Variants in NAALADL2 observed in about 807,000 individuals in gnomAD.
NAALADL2 encodes the protein N-acetylated alpha-linked acidic dipeptidase like 2.
A neutral mutation model predicts 87.2 loss-of-function variants in NAALADL2; 76 were observed. That is an observed-to-expected ratio of 0.87 (90% CI 0.72 to 1.05). The LOEUF is 1.05. Ranked by LOEUF, NAALADL2 falls within the 50% of genes least tolerant of loss-of-function variation. NAALADL2 has a pLI of 0.00. For synonymous variants in NAALADL2, 354 were observed against 331.0 expected, an observed-to-expected ratio of 1.07 and a Z score of -0.75; for missense variants, 1,089 against 945.8, an observed-to-expected ratio of 1.15 and a Z score of -1.99.
intron 3 of NAALADL2, among the ~76,000 whole-genome samples, chr3:174,801,554 C>A (rs1265062992): frequency 6.6e-6 from 1 of 152,084 alleles, no homozygotes; most frequent in East Asian, 1.9e-4. Context: ...TGCTCTTGAT[C>A]TTGGAGAAAA....
intron 9 of NAALADL2, among the ~76,000 whole-genome samples, chr3:175,511,031 C>G (rs1731079947): frequency 6.6e-6 from 1 of 152,160 alleles, no homozygotes; most frequent in Non-Finnish European, 1.5e-5. Flanking sequence ...ATATCTCTCT[C>G]AACAATTAAT....
intron 5 of NAALADL2, among the ~76,000 whole-genome samples, chr3:175,340,758 AG>A (rs1385040496): frequency 1.3e-5 from 2 of 152,324 alleles, no homozygotes; most frequent in East Asian, 3.9e-4. Context: ...CTGCTCCTTA[AG>A]AATGACTTCC....
At chr3:174,887,947 C>T (rs1441709285) in intron 1 of NAALADL2, among the ~76,000 whole-genome samples, 3 of 151,666 alleles carry the variant, frequency 2.0e-5, no homozygotes, top group Admixed American at 2.0e-4. Flanking sequence ...GAGATTATAT[C>T]AGCTGATGAT....
At chr3:175,390,475 T>A (rs1479952394) in intron 5 of NAALADL2, among the ~76,000 whole-genome samples, 1 of 152,086 alleles carries the variant, frequency 6.6e-6, no homozygotes, top group Non-Finnish European at 1.5e-5. Context: ...CACAAAGAAA[T>A]GAAAACACTA....
At chr3:175,551,055 G>C (rs1276739788) in intron 9 of NAALADL2, among the ~76,000 whole-genome samples, 1 of 151,958 alleles carries the variant, frequency 6.6e-6, no homozygotes. Flanking sequence ...AGTTTGTATA[G>C]TGTGAGAGAG....
intron 1 of NAALADL2, among the ~76,000 whole-genome samples, chr3:174,457,194 A>G (rs1206471136): frequency 6.6e-6 from 1 of 152,132 alleles, no homozygotes; most frequent in Non-Finnish European, 1.5e-5. Context: ...ACTAAAAAGT[A>G]AAAAAATAAC....
At chr3:174,931,202 G>C (rs1285067918) in intron 1 of NAALADL2, among the ~76,000 whole-genome samples, 1 of 152,080 alleles carries the variant, frequency 6.6e-6, no homozygotes, top group African/African-American at 2.4e-5. Flanking sequence ...AATAATATCA[G>C]TTTAGGGGAT....
intron 9 of NAALADL2, among the ~76,000 whole-genome samples, chr3:175,515,619 G>A (rs1731730475): frequency 6.6e-6 from 1 of 150,670 alleles, no homozygotes. Flanking sequence ...TTGTTAGAAA[G>A]CTGGAGGACC....
At chr3:174,535,191 C>T (rs1202464532) in intron 1 of NAALADL2, among the ~76,000 whole-genome samples, 1 of 152,150 alleles carries the variant, frequency 6.6e-6, no homozygotes, top group African/African-American at 2.4e-5. Context: ...AGATCTTAGA[C>T]CACAGTTAAT....
intron 2 of NAALADL2, among the ~76,000 whole-genome samples, chr3:174,665,234 C>T (rs555603035): frequency 6.6e-6 from 1 of 152,134 alleles, no homozygotes; most frequent in East Asian, 1.9e-4. Context: ...GGGAAGAAAC[C>T]AAACAGCCCT....
chr3:175,606,962 T>C (rs1486736008), intron 10 of NAALADL2, among the ~76,000 whole-genome samples: 2 of 152,176 alleles, frequency 1.3e-5, no homozygotes, highest in East Asian at 3.9e-4. Context: ...ATTTATTTTT[T>C]TGAAATATCT....
intron 3 of NAALADL2, among the ~76,000 whole-genome samples, chr3:175,244,538 T>A (rs1458568996): frequency 6.6e-6 from 1 of 152,210 alleles, no homozygotes; most frequent in Non-Finnish European, 1.5e-5. Context: ...ACTGTTGTTC[T>A]TTCTTTCTTT....
At chr3:174,551,663 A>C (rs1360766961) in intron 2 of NAALADL2, among the ~76,000 whole-genome samples, 1 of 152,228 alleles carries the variant, frequency 6.6e-6, no homozygotes, top group Non-Finnish European at 1.5e-5. Context: ...TGTTTTAAGC[A>C]GTTTACTAAT....
At chr3:174,547,101 A>C (rs970875735) in intron 1 of NAALADL2, among the ~76,000 whole-genome samples, 1 of 152,112 alleles carries the variant, frequency 6.6e-6, no homozygotes, top group Admixed American at 6.6e-5. Context: ...CACAAACTTA[A>C]TTTTATAATG....
At chr3:174,936,694 T>C (rs1195045072) in intron 1 of NAALADL2, among the ~76,000 whole-genome samples, 1 of 152,146 alleles carries the variant, frequency 6.6e-6, no homozygotes, top group East Asian at 1.9e-4. Context: ...CACCTAAATG[T>C]GCTTTCCAAA....
rs116187616 is a variant in NAALADL2, at chr3:175,634,954, G to A, written c.1896+7568G>A. Among the ~76,000 whole-genome samples, 1,030 of 152,066 alleles carry A rather than the reference G, an allele frequency of 6.8e-3. 8 individuals carry two copies. The highest frequency in any genetic ancestry group is 0.024 in the African/African-American group (988 of 41,526). On this transcript the variant is annotated intron_variant, in intron 11 of 13. Transcript: ENST00000454872. Reference sequence around the variant, plus strand: ...CCAAATATGTATTTTCAATGCGAAGGTTGTACTTTGTAATAAAGACTCTTG... The same window carrying A: ...CCAAATATGTATTTTCAATGCGAAGATTGTACTTTGTAATAAAGACTCTTG...
In NAALADL2 at chr3:175,283,022, T is replaced by C. The variant is rs1476505156; in HGVS notation, c.939+26492T>C. ...TGACAATGATCAGTAACAACAAGAC[T>C]TTTAACTTTGAAAAAATCAGGACCA... is the stretch of plus-strand genomic sequence containing the variant. On this transcript the variant is annotated intron_variant, in intron 4 of 13. Transcript: ENST00000454872. Among the ~76,000 whole-genome samples the C allele has an allele frequency of 3.9e-5, 6 of 152,032 alleles. 1 individual carries two copies. The highest frequency in any genetic ancestry group is 2.1e-4 in the South Asian group (1 of 4,816).
intron 1 of NAALADL2, among the ~76,000 whole-genome samples, chr3:175,072,051 G>T (rs1249505953): frequency 6.6e-6 from 1 of 151,892 alleles, no homozygotes; most frequent in Non-Finnish European, 1.5e-5. Flanking sequence ...ACATTTTGTG[G>T]TTCAGAAAAT....
chr3:175,521,759 A>G (rs952593802), intron 9 of NAALADL2, among the ~76,000 whole-genome samples: 1 of 152,158 alleles, frequency 6.6e-6, no homozygotes, highest in Non-Finnish European at 1.5e-5. Context: ...ATCCACCATA[A>G]GCTAAAATGA....
Sources: allele counts gnomAD v4.1 joint callset (sites outside exome capture counted in the v4.1 genomes callset), GRCh38; gene constraint gnomAD v4.1.1; transcripts MANE v1.5; gene names NCBI Gene and HGNC (gene_info 2026-07-23, HGNC 2026-07-21).